PITPNM2: variants seen among roughly 807,000 people sequenced by gnomAD.
PITPNM2 encodes the protein phosphatidylinositol transfer protein membrane associated 2.
A neutral mutation model predicts 132.2 loss-of-function variants in PITPNM2; 35 were observed. The observed-to-expected ratio is 0.26, with a 90% CI of 0.20 to 0.35. The LOEUF (loss-of-function observed/expected upper bound fraction) is 0.35, where lower values mean the gene tolerates loss of function less well. Ranked by LOEUF, PITPNM2 falls within the 10% of genes least tolerant of loss-of-function variation. PITPNM2 has a pLI of 1.00. For synonymous variants in PITPNM2, 738 were observed against 799.2 expected (o/e 0.92, Z 1.29); for missense variants, 1,332 against 1,912.0 (o/e 0.70, Z 5.66).
At chr12:123,100,166 T>C (rs2042525067) in intron 2 of PITPNM2, among the ~76,000 whole-genome samples, 2 of 152,194 alleles carry the variant, frequency 1.3e-5, no homozygotes, top group South Asian at 4.1e-4. Flanking sequence ...TTAACCACAC[T>C]ATACAATTCT....
intron 10 of PITPNM2, among the ~76,000 whole-genome samples, chr12:122,999,719 G>A (rs2038577398): frequency 6.6e-6 from 1 of 152,184 alleles, no homozygotes; most frequent in Non-Finnish European, 1.5e-5. Context: ...GCCCCCTGCA[G>A]CTGTAGAGGC....
chr12:122,988,089 G>A (rs1158624239), intron 20 of PITPNM2, 145 bp downstream of exon 20: 3 of 894,998 alleles, frequency 3.4e-6, no homozygotes, highest in Non-Finnish European at 5.3e-6. Flanking sequence ...TTCCCTGTCT[G>A]TGAAGTGGGC....
intron 2 of PITPNM2, among the ~76,000 whole-genome samples, chr12:123,101,420 T>C (rs2042560817): frequency 6.6e-6 from 1 of 152,196 alleles, no homozygotes; most frequent in South Asian, 2.1e-4. Context: ...ATGCAACATG[T>C]TTCCCAAGAG....
chr12:123,066,806 G>A (rs949318044), intron 2 of PITPNM2, among the ~76,000 whole-genome samples: 8 of 152,086 alleles, frequency 5.3e-5, no homozygotes, highest in Non-Finnish European at 8.8e-5. Flanking sequence ...GGACCCCCTC[G>A]GCTGCTCTGG....
chr12:123,070,839 C>T (rs1419511136), intron 2 of PITPNM2, among the ~76,000 whole-genome samples: 1 of 152,224 alleles, frequency 6.6e-6, no homozygotes, highest in East Asian at 1.9e-4. Flanking sequence ...TGCCCCTTCG[C>T]GCATCTGCCC....
intron 1 of PITPNM2, among the ~76,000 whole-genome samples, chr12:123,136,279 G>A (rs2043380576): frequency 6.6e-6 from 1 of 151,570 alleles, no homozygotes; most frequent in African/African-American, 2.4e-5. Context: ...TCCAGCCTGG[G>A]CAACAGAGCG....
intron 1 of PITPNM2, among the ~76,000 whole-genome samples, chr12:123,136,117 T>C (rs1261323062): frequency 1.3e-5 from 2 of 151,494 alleles, no homozygotes; most frequent in Admixed American, 1.3e-4. Flanking sequence ...CCTGGCTAAC[T>C]TGGTGAAACC....
In PITPNM2 at chr12:123,083,319, A is replaced by G. The variant is rs2042018233; in HGVS notation, c.-96+27066T>C. Reference sequence around the variant, plus strand: ...CTGGCACGCAGCAGGCACTGAATAGAATTTCTAAATATACAAACGGATGAA... The same window carrying G: ...CTGGCACGCAGCAGGCACTGAATAGGATTTCTAAATATACAAACGGATGAA... On this transcript the variant is annotated intron_variant, in intron 2 of 25. Coordinates refer to ENST00000320201, the MANE Select transcript of PITPNM2 (RefSeq NM_020845.3). The surrounding 1 kb of genome is among the most constrained non-coding windows in gnomAD (Gnocchi z 4.5). The G allele has an allele frequency of 1.3e-5, 2 of 152,294 alleles. No individual in the cohort carries two copies. The highest frequency in any genetic ancestry group is 4.1e-4 in the South Asian group (2 of 4,832). The allele number at this position is 152,294 out of a possible 1,614,324, so 9.4% of individuals were successfully genotyped here.
At chr12:123,144,342 T>C (rs2043567368) in intron 1 of PITPNM2, among the ~76,000 whole-genome samples, 1 of 152,220 alleles carries the variant, frequency 6.6e-6, no homozygotes, top group African/African-American at 2.4e-5. Context: ...AAATCTCTTG[T>C]GTTAGAGAAG....
Position 123,099,216 on chromosome 12 carries a change from C to T in PITPNM2, c.-96+11169G>A, listed in dbSNP as rs1295446867. Among the ~76,000 whole-genome samples the T allele has an allele frequency of 6.6e-6, 1 of 151,982 alleles. No individual in the cohort carries two copies. Among genetic ancestry groups the T allele is most frequent in the Non-Finnish European group, 1.5e-5 (1 of 67,994 alleles). On this transcript the variant is annotated intron_variant, in intron 2 of 25. Transcript: ENST00000320201. This position sits in a 1 kb window ranked among gnomAD's most constrained non-coding sequence, Gnocchi z 4.2. Reference sequence around the variant, plus strand: ...ACTGATTCCCTCCTTCACGCTCACCCAGAACTGTCGATTTTGCTGAAAAAA... The same window carrying T: ...ACTGATTCCCTCCTTCACGCTCACCTAGAACTGTCGATTTTGCTGAAAAAA...
chr12:123,142,299 TG>T (rs2043521551), intron 1 of PITPNM2, among the ~76,000 whole-genome samples: 1 of 152,206 alleles, frequency 6.6e-6, no homozygotes, highest in Non-Finnish European at 1.5e-5. Context: ...TATAAATTAG[TG>T]AGCTATTTTC....
At chr12:123,040,687 C>T (rs1434768236) in intron 2 of PITPNM2, among the ~76,000 whole-genome samples, 3 of 151,322 alleles carry the variant, frequency 2.0e-5, no homozygotes, top group African/African-American at 7.3e-5. Flanking sequence ...GAACATGATA[C>T]TTTTTTAAAA....
rs2042036671 is a variant in PITPNM2 at position 123,083,877 on chromosome 12, T to A, written c.-96+26508A>T. The A allele has an allele frequency of 6.6e-6, 1 of 152,306 alleles. No individual in the cohort carries two copies. The highest frequency in any genetic ancestry group is 1.5e-5 in the Non-Finnish European group (1 of 68,070). 9.4% of individuals were successfully genotyped at this position (152,306 alleles called of 1,614,324 possible). A position where few individuals can be genotyped will look rare whatever the true frequency, so the allele number is the denominator to read the frequency against. ...CTTCCTCGTCCTGCCAGGCTATTTA[T>A]AGCCTCCCTCTCTCTGAAAACTCCT... On this transcript the variant is annotated intron_variant, in intron 2 of 25. Transcript: ENST00000320201. The surrounding 1 kb of genome is among the most constrained non-coding windows in gnomAD (Gnocchi z 4.5).
Position 123,005,572 on chromosome 12 carries a change from G to C in PITPNM2, c.644-24C>G, listed in dbSNP as rs746258888. On this transcript the variant is annotated intron_variant, in intron 6 of 25. Transcript: ENST00000320201. This position sits in a 1 kb window ranked among gnomAD's most constrained non-coding sequence, Gnocchi z 6.2. ...TCCTGTGCCCCATGGGGATCAGAGA[G>C]GGAGAGACGAGGGGAGGGAGGTCAG... The C allele has an allele frequency of 4.4e-6, 7 of 1,602,510 alleles. No individual in the cohort carries two copies. Among genetic ancestry groups the C allele is most frequent in the Admixed American group, 1.7e-5 (1 of 59,800 alleles).
At chr12:123,107,606 C>T (rs984304424) in intron 2 of PITPNM2, among the ~76,000 whole-genome samples, 5 of 152,318 alleles carry the variant, frequency 3.3e-5, no homozygotes, top group East Asian at 1.9e-4. Flanking sequence ...TCGTTCTTAG[C>T]GAACCCCAGG....
Position 122,997,379 on chromosome 12 carries a change from A to G in PITPNM2, c.1418T>C (p.Ile473Thr). 1.2e-6 allele frequency: 2 copies of G among 1,613,490 alleles called. No individual in the cohort carries two copies. The highest frequency in any genetic ancestry group is 1.7e-6 in the Non-Finnish European group (2 of 1,179,988). Residue 473 changes from isoleucine (I) to threonine (T), a missense_variant, in exon 11 of 26, where the codon ATC (isoleucine) becomes ACC (threonine). Around this residue, in one of 6 missense-constraint regions of PITPNM2, gnomAD observed 710 missense variants for 911.5 expected, o/e 0.78. Coordinates refer to ENST00000320201, the MANE Select transcript of PITPNM2 (RefSeq NM_020845.3). ...GACGGGCGGGCAGGGCACCAGGCGG[A>G]TGGCAAGGCGGCCCAGGGCGCTGGG... ...HYPSALGRLA[I>T]RLVPCPPVCS...
In PITPNM2 at chr12:123,000,979, G is replaced by T; in HGVS notation, c.1153+75C>A. On this transcript the variant is annotated intron_variant, in intron 9 of 25. Coordinates refer to ENST00000320201, the MANE Select transcript of PITPNM2 (RefSeq NM_020845.3). The surrounding 1 kb of genome is among the most constrained non-coding windows in gnomAD (Gnocchi z 5.4). Reference sequence around the variant, plus strand: ...CATGTATGCCCAGCACTGTGCAGAAGCTGGTCAGAAAGGAGGGGGCTGAAG... The same window carrying T: ...CATGTATGCCCAGCACTGTGCAGAATCTGGTCAGAAAGGAGGGGGCTGAAG... 1 of 1,537,662 alleles carries T rather than the reference G, an allele frequency of 6.5e-7. No individual in the cohort carries two copies. The highest frequency in any genetic ancestry group is 9.0e-7 in the Non-Finnish European group (1 of 1,111,124).
At chr12:123,126,172 G>A (rs1261752515) in intron 1 of PITPNM2, among the ~76,000 whole-genome samples, 1 of 151,940 alleles carries the variant, frequency 6.6e-6, no homozygotes, top group Non-Finnish European at 1.5e-5. Flanking sequence ...CCCAGCCTAG[G>A]CTCTACCTTT....
In PITPNM2 at chr12:122,983,957, TTCC is replaced by T. The variant is rs2037829231; in HGVS notation, c.*2067_*2069del. On this transcript the variant is annotated 3_prime_UTR_variant, in exon 26 of 26. Transcript: ENST00000320201. ...CTCTTAGTTTCAGAAAGACTGGTAC[TTCC>T]TCAAGAGGAGAATGTGCCAAAAGGA... 1 of 152,720 alleles carries T rather than the reference TTCC, an allele frequency of 6.5e-6. No individual in the cohort carries two copies. Among genetic ancestry groups the T allele is most frequent in the African/African-American group, 2.4e-5 (1 of 41,474 alleles). The allele number at this position is 152,720 out of a possible 1,614,324, so 9.5% of individuals were successfully genotyped here. A position where few individuals can be genotyped will look rare whatever the true frequency, so the allele number is the denominator to read the frequency against.
Sources: allele counts gnomAD v4.1 joint callset (sites outside exome capture counted in the v4.1 genomes callset), GRCh38; gene constraint gnomAD v4.1.1; regional missense constraint gnomAD v4.1.1; non-coding constraint Gnocchi (gnomAD v3.1); transcripts MANE v1.5; gene names NCBI Gene and HGNC (gene_info 2026-07-23, HGNC 2026-07-21).